The following COXFA4L2 variants were observed in gnomAD, a reference collection of about 807,000 sequenced individuals.
COXFA4L2 encodes NADH dehydrogenase (ubiquinone) 1 alpha subcomplex, 4-like 2.
chr12:57,237,577 C>G, the COXFA4L2 span, among the ~76,000 whole-genome samples: 3 of 152,174 alleles, frequency 2.0e-5, no homozygotes, highest in Admixed American at 6.5e-5. Flanking sequence ...TGGTTCTGTC[C>G]CCTCCACAGT....
At chr12:57,236,679 G>A in the COXFA4L2 span, 1 of 1,561,636 alleles carries the variant, frequency 6.4e-7, no homozygotes, top group Non-Finnish European at 8.7e-7. Flanking sequence ...TCATCGGGAT[G>A]ATCTGCGGGG....
chr12:57,236,140 G>T, the COXFA4L2 span: 4 of 345,956 alleles, frequency 1.2e-5, no homozygotes, highest in Non-Finnish European at 2.1e-5. Context: ...CAAGGGGCTG[G>T]GTTTCTGGTG....
the COXFA4L2 span, chr12:57,235,841 TC>T: frequency 1.2e-5 from 18 of 1,507,412 alleles, no homozygotes; most frequent in Non-Finnish European, 1.5e-5. Context: ...GGTTAGGGTC[TC>T]CTCCCTGGGA....
chr12:57,236,943 G>A, the COXFA4L2 span: 1 of 1,559,108 alleles, frequency 6.4e-7, no homozygotes, highest in African/African-American at 1.4e-5. Context: ...TGAGGGACCT[G>A]GGCACAAGGC....
chr12:57,240,289 G>C, the COXFA4L2 span: 1 of 152,238 alleles, frequency 6.6e-6, no homozygotes, highest in East Asian at 1.9e-4. Context: ...GGACCCCGGC[G>C]TCCCGGCTCC....
chr12:57,236,955 A>G, the COXFA4L2 span: 3 of 1,588,218 alleles, frequency 1.9e-6, no homozygotes, highest in Non-Finnish European at 1.7e-6. Context: ...GCACAAGGCA[A>G]GGCATTGGGG....
the COXFA4L2 span, among the ~76,000 whole-genome samples, chr12:57,237,537 G>A: frequency 6.6e-6 from 1 of 152,196 alleles, no homozygotes; most frequent in African/African-American, 2.4e-5. Flanking sequence ...GACACCCTTA[G>A]AGCTGTCCAG....
At chr12:57,235,289 G>A in the COXFA4L2 span, 12 of 565,434 alleles carry the variant, frequency 2.1e-5, no homozygotes, top group Non-Finnish European at 3.8e-5. Context: ...GGGCAGAGGG[G>A]CTGGTCTGGG....
At chr12:57,236,489 C>A in the COXFA4L2 span, 3 of 970,638 alleles carry the variant, frequency 3.1e-6, no homozygotes, top group Non-Finnish European at 4.5e-6. Context: ...TCGGTACAGT[C>A]GAAGGTGCAT....
At chr12:57,237,277 G>T in the COXFA4L2 span, 9 of 1,441,122 alleles carry the variant, frequency 6.2e-6, no homozygotes, top group East Asian at 2.3e-4. Context: ...GCCTGTAGGG[G>T]AATTGTCTGG....
the COXFA4L2 span, chr12:57,236,790 C>T: frequency 3.4e-5 from 34 of 1,012,546 alleles, no homozygotes; most frequent in Non-Finnish European, 4.2e-5. Context: ...GTCTGGTGCT[C>T]CCTCCCTGGA....
chr12:57,235,534 C>T, the COXFA4L2 span: 1 of 1,611,216 alleles, frequency 6.2e-7, no homozygotes. Flanking sequence ...CTGGCTGTGG[C>T]TTGCATGGCA....
chr12:57,238,253 T>C, the COXFA4L2 span, among the ~76,000 whole-genome samples: 16 of 152,168 alleles, frequency 1.1e-4, no homozygotes, highest in Admixed American at 2.0e-4. The surrounding 1 kb of genome is among the most constrained non-coding windows in gnomAD (Gnocchi z 6.8). Flanking sequence ...CTCCCTTTCC[T>C]TCTCGCTGAT....
At chr12:57,236,370 G>A in the COXFA4L2 span, 1 of 494,614 alleles carries the variant, frequency 2.0e-6, no homozygotes, top group Non-Finnish European at 3.5e-6. Context: ...GGAGAGGCGC[G>A]GGTTCCGCAT....
the COXFA4L2 span, chr12:57,235,896 A>C: frequency 3.1e-6 from 4 of 1,284,206 alleles, no homozygotes; most frequent in East Asian, 1.0e-4. Context: ...CTCCACCCGG[A>C]GGCTCTGGCC....
the COXFA4L2 span, chr12:57,237,723 G>A: frequency 6.4e-6 from 1 of 155,240 alleles, no homozygotes; most frequent in Middle Eastern, 5.2e-4. Flanking sequence ...TGTTAATCAT[G>A]GCTCAGGATA....
the COXFA4L2 span, chr12:57,237,458 A>G: frequency 1.4e-6 from 1 of 706,300 alleles, no homozygotes; most frequent in Admixed American, 4.2e-5. Context: ...AGCAAAATGC[A>G]TGTGTGGAAT....
At chr12:57,235,666 CT>C in the COXFA4L2 span, 1 of 1,613,590 alleles carries the variant, frequency 6.2e-7, no homozygotes, top group African/African-American at 1.3e-5. Flanking sequence ...CCAAGCCTCC[CT>C]TTGCTTCTAG....
chr12:57,240,750 T>C, the COXFA4L2 span: 9 of 985,388 alleles, frequency 9.1e-6, no homozygotes, highest in South Asian at 3.3e-4. Flanking sequence ...TACACAGACC[T>C]GCAGGCGGAG....
Sources: gnomAD v4.1 joint callset for allele counts (sites outside exome capture counted in the v4.1 genomes callset) on GRCh38, gnomAD v4.1.1 for gene constraint, Gnocchi (gnomAD v3.1) non-coding constraint, MANE v1.5 for transcripts, NCBI Gene and HGNC (gene_info 2026-07-23, HGNC 2026-07-21) for gene names.